The following TEX11 variants were observed in gnomAD, a reference collection of about 807,000 sequenced individuals.
TEX11 encodes the protein testis-expressed protein 11.
Under a neutral mutation model 84.4 loss-of-function variants are expected in TEX11, and 7 were observed. That is an observed-to-expected ratio of 0.08 (90% CI 0.05 to 0.16). The LOEUF (loss-of-function observed/expected upper bound fraction) is 0.16, where lower values mean the gene tolerates loss of function less well. Among genes scored for constraint, TEX11 ranks in the 10% least tolerant of loss-of-function variants. The pLI, the probability that TEX11 is intolerant of heterozygous loss-of-function variation, is 1.00. For synonymous variants in TEX11, 264 were observed against 222.8 expected (o/e 1.18, Z -1.64); for missense variants, 551 against 660.5 (o/e 0.83, Z 1.82).
At chrX:70,727,942 A>G (rs1215840943) in intron 11 of TEX11, among the ~76,000 whole-genome samples, 3 of 112,494 alleles carry the variant, frequency 2.7e-5, no homozygotes. Flanking sequence ...GTATTTAGTT[A>G]TAACAGCTCA....
chrX:70,792,347 TATATATATATACAC>T (rs1183998929), intron 9 of TEX11, among the ~76,000 whole-genome samples: 1,855 of 12,406 alleles, frequency 0.15, 264 homozygotes, highest in Admixed American at 0.28. Context: ...TATATATATA[TATATATATATACAC>T]ACACAAATAT....
chrX:70,854,305 T>C (rs2091523501), intron 5 of TEX11, among the ~76,000 whole-genome samples: 1 of 111,027 alleles, frequency 9.0e-6, no homozygotes. Flanking sequence ...AATGCAAATG[T>C]TAGAGGTGAC....
At chrX:70,855,839 G>A (rs1025162425) in intron 5 of TEX11, among the ~76,000 whole-genome samples, 2 of 111,429 alleles carry the variant, frequency 1.8e-5, no homozygotes, top group East Asian at 2.8e-4. Context: ...GCAAGAAGGC[G>A]AACATCTGCA....
intron 13 of TEX11, among the ~76,000 whole-genome samples, chrX:70,683,881 T>C (rs949081079): frequency 2.7e-5 from 3 of 111,158 alleles, no homozygotes; most frequent in African/African-American, 1.0e-4. Flanking sequence ...TTGTTATATA[T>C]CATCAAATTA....
chrX:70,722,516 C>G, intron 13 of TEX11, 102 bp downstream of exon 13: 1 of 595,905 alleles, frequency 1.7e-6, no homozygotes, highest in Non-Finnish European at 2.7e-6. Context: ...CTCAAGGGAT[C>G]CTCCCGCCTC....
intron 24 of TEX11, among the ~76,000 whole-genome samples, chrX:70,592,139 A>T (rs1235771014): frequency 1.8e-5 from 2 of 111,796 alleles, no homozygotes; most frequent in African/African-American, 3.3e-5. Flanking sequence ...CAGCAAAACA[A>T]TCATCATAAC....
At chrX:70,716,763 G>C (rs2090507615) in intron 13 of TEX11, among the ~76,000 whole-genome samples, 1 of 111,721 alleles carries the variant, frequency 9.0e-6, no homozygotes, top group Non-Finnish European at 1.9e-5. Flanking sequence ...TTCAGCTCAG[G>C]CTCAGTGCAC....
chrX:70,511,752 C>CAAAAAAAA, the TEX11 span, among the ~76,000 whole-genome samples: 9 of 32,712 alleles, frequency 2.8e-4, no homozygotes, highest in Non-Finnish European at 4.6e-4. Flanking sequence ...GACTCCATCT[C>CAAAAAAAA]AAAAAAAAAA....
In TEX11 at chrX:70,570,217, G is replaced by A. The variant is rs974673864; in HGVS notation, c.2141-15417C>T. ...GCATAGGACCCTACGAGCCAGGTGC[G>A]GGATATAATCTCCTGGTGCGCCATT... On this transcript the variant is annotated intron_variant, in intron 25 of 29. Coordinates refer to ENST00000374333, the MANE Select transcript of TEX11 (RefSeq NM_031276.3). 4.0e-4 allele frequency among the ~76,000 whole-genome samples: 45 copies of A among 112,048 alleles called. 1 individual carries two copies. The highest frequency in any genetic ancestry group is 1.2e-3 in the African/African-American group (37 of 30,884).
intron 25 of TEX11, among the ~76,000 whole-genome samples, chrX:70,575,812 T>A (rs948384527): frequency 8.0e-5 from 9 of 112,005 alleles, no homozygotes; most frequent in Admixed American, 1.9e-4. Flanking sequence ...TACTCCTGGC[T>A]TCTGTTCACT....
At chrX:70,590,924 T>G (rs1466813036) in intron 25 of TEX11, among the ~76,000 whole-genome samples, 2 of 110,837 alleles carry the variant, frequency 1.8e-5, no homozygotes, top group African/African-American at 6.5e-5. Context: ...TAACTTTGTA[T>G]TTTTGGTAGA....
intron 13 of TEX11, among the ~76,000 whole-genome samples, chrX:70,719,127 A>T (rs1179540310): frequency 8.9e-6 from 1 of 112,151 alleles, no homozygotes; most frequent in African/African-American, 3.2e-5. Flanking sequence ...AAAAAAAGCA[A>T]TAATCTCGGT....
chrX:70,512,186 A>G, the TEX11 span, among the ~76,000 whole-genome samples: 11 of 107,194 alleles, frequency 1.0e-4, no homozygotes, highest in East Asian at 3.2e-3. Context: ...TCCAAATCCT[A>G]TACATCTTTA....
intron 25 of TEX11, among the ~76,000 whole-genome samples, chrX:70,574,967 G>C (rs963005431): frequency 1.8e-5 from 2 of 111,361 alleles, no homozygotes; most frequent in South Asian, 3.8e-4. Flanking sequence ...AGTAGGGCTA[G>C]AGTACATGGA....
In TEX11 at chrX:70,661,090, G is replaced by A. The variant is rs1387460140; in HGVS notation, c.1380+9287C>T. Among the ~76,000 whole-genome samples the A allele has an allele frequency of 2.7e-5, 3 of 112,275 alleles. No homozygotes were observed. The Admixed American group carries it at 2.8e-4, about 11-fold the overall frequency. ...GCAGGGCGAGGCATTGCCTCACCCGGGAAGTGCAAGGGGGTCAGGGAATTC... is the reference window on the plus strand; with the variant it reads ...GCAGGGCGAGGCATTGCCTCACCCGAGAAGTGCAAGGGGGTCAGGGAATTC... On this transcript the variant is annotated intron_variant, in intron 16 of 29. Transcript: ENST00000374333.
intron 9 of TEX11, among the ~76,000 whole-genome samples, chrX:70,747,344 G>A (rs1229702287): frequency 1.8e-5 from 2 of 112,091 alleles, no homozygotes; most frequent in Non-Finnish European, 3.8e-5. Flanking sequence ...AAAATTCTGA[G>A]CAGGAATATT....
intron 9 of TEX11, among the ~76,000 whole-genome samples, chrX:70,787,449 G>C (rs1037986787): frequency 1.8e-5 from 2 of 109,909 alleles, no homozygotes; most frequent in Non-Finnish European, 3.8e-5. Flanking sequence ...TTCTGCCTCA[G>C]ACTCCCAAGT....
At chrX:70,599,573 GGTTA>G (rs2089062696) in intron 24 of TEX11, among the ~76,000 whole-genome samples, 1 of 109,622 alleles carries the variant, frequency 9.1e-6, no homozygotes, top group Admixed American at 9.7e-5. Context: ...ACATTGTGCA[GGTTA>G]GTTACATATG....
intron 3 of TEX11, among the ~76,000 whole-genome samples, chrX:70,877,593 A>T (rs1602204400): frequency 8.9e-6 from 1 of 112,125 alleles, no homozygotes; most frequent in South Asian, 3.7e-4. Context: ...GCTCATAGCA[A>T]CATTATTCAC....
Sources: allele counts gnomAD v4.1 joint callset (sites outside exome capture counted in the v4.1 genomes callset), GRCh38; gene constraint gnomAD v4.1.1; transcripts MANE v1.5; gene names NCBI Gene and HGNC (gene_info 2026-07-23, HGNC 2026-07-21).